ODAD2: variants seen among roughly 807,000 people sequenced by gnomAD.
ODAD2 encodes outer dynein arm-docking complex subunit 2.
A neutral mutation model predicts 106.8 loss-of-function variants in ODAD2; 89 were observed. The ratio of observed to expected loss-of-function variants is 0.83; its 90% confidence interval spans 0.70 to 0.99. The LOEUF (loss-of-function observed/expected upper bound fraction) is 0.99, where lower values mean the gene tolerates loss of function less well. ODAD2 is among the 50% of genes least tolerant of loss of function. The pLI is 0.00. For missense variants in ODAD2, 1,168 were observed against 1,238.5 expected (o/e 0.94, Z 0.85); for synonymous variants, 404 against 436.2 (o/e 0.93, Z 0.92).
At chr10:27,891,913 AC>A (rs1564472888) in intron 17 of ODAD2, among the ~76,000 whole-genome samples, 1 of 151,668 alleles carries the variant, frequency 6.6e-6, no homozygotes, top group African/African-American at 2.4e-5. Context: ...ATTTGAGTAG[AC>A]TTTCTGCAGC....
chr10:27,877,318 G>A (rs1180916942), intron 17 of ODAD2, among the ~76,000 whole-genome samples: 1 of 152,124 alleles, frequency 6.6e-6, no homozygotes, highest in Non-Finnish European at 1.5e-5. Context: ...TGACAAAAGT[G>A]ATCACATCTG....
At position 27,860,845 on chromosome 10, in the gene ODAD2, T is replaced by C. The variant is rs767271748; in HGVS notation, c.2801A>G (p.Asn934Ser). The C allele has an allele frequency of 1.2e-6, 2 of 1,613,552 alleles. No individual in the cohort carries two copies. Among genetic ancestry groups the C allele is most frequent in the East Asian group, 4.5e-5 (2 of 44,896 alleles). Residue 934 changes from asparagine (N) to serine (S), a missense_variant and splice_region_variant, in exon 19 of 20, where the codon AAT becomes AGT. Physicochemically the swap from Asn to Ser is conservative, Grantham distance 46 (BLOSUM62 1). This residue lies in a region of ODAD2 where 701 missense variants were observed against 712.3 expected (regional missense o/e 0.98). Transcript: ENST00000305242. The stretch of plus-strand genomic sequence containing the variant: ...TAGATGATGTCTCAATTTATTGTTA[T>C]TCTGTGCAAGGGAAAATGAAATGGG... ...VPLLSKLANT[N>S]NNKLRHHLAE...
In ODAD2 at chr10:27,944,398, G is replaced by C. The variant is rs770607602; in HGVS notation, c.1567C>G (p.His523Asp). 3.1e-6 allele frequency: 5 copies of C among 1,613,736 alleles called. No individual in the cohort carries two copies. Among genetic ancestry groups the C allele is most frequent in the Non-Finnish European group, 3.4e-6 (4 of 1,179,872 alleles). Reference sequence around the variant, plus strand: ...ATATTCTGTCTGATTTGAGGATTATGACTGATTTCCTTCAGTATTTTTAAT... The same window carrying C: ...ATATTCTGTCTGATTTGAGGATTATCACTGATTTCCTTCAGTATTTTTAAT... The part of the protein sequence containing the change: ...GSLKILKEIS[H>D]NPQIRQNIVD... The change falls in exon 12 of 20, where the codon CAT becomes GAT. Residue 523 changes from histidine (H) to aspartate (D), a missense_variant. His to Asp is a moderately conservative substitution (Grantham distance 81, BLOSUM62 -1). Coordinates refer to ENST00000305242, the MANE Select transcript of ODAD2 (RefSeq NM_018076.5).
chr10:27,825,115 A>C (rs1232780427), intron 19 of ODAD2, among the ~76,000 whole-genome samples: 1 of 152,186 alleles, frequency 6.6e-6, no homozygotes, highest in South Asian at 2.1e-4. Context: ...ATCTTGGTGT[A>C]TCCTTGACTC....
chr10:27,829,314 G>A (rs2132972834), intron 19 of ODAD2, among the ~76,000 whole-genome samples: 1 of 152,252 alleles, frequency 6.6e-6, no homozygotes, highest in African/African-American at 2.4e-5. Flanking sequence ...GAAAATAAAT[G>A]ACTAATTTCT....
intron 10 of ODAD2, among the ~76,000 whole-genome samples, chr10:27,953,574 C>T (rs1025757466): frequency 3.9e-5 from 6 of 152,008 alleles, no homozygotes; most frequent in African/African-American, 1.5e-4. Context: ...TGTTCAATAA[C>T]TTAATGATAT....
intron 6 of ODAD2, among the ~76,000 whole-genome samples, chr10:27,982,672 A>G (rs1459698633): frequency 6.6e-6 from 1 of 152,166 alleles, no homozygotes; most frequent in Non-Finnish European, 1.5e-5. Flanking sequence ...CCAACATGTA[A>G]CAACCCTCCA....
chr10:27,826,148 T>G (rs1317649560), intron 19 of ODAD2, among the ~76,000 whole-genome samples: 1 of 152,170 alleles, frequency 6.6e-6, no homozygotes, highest in African/African-American at 2.4e-5. Context: ...GGACGCAGAA[T>G]GGGATCAAGA....
At chr10:27,866,519 A>G (rs1840448416) in intron 17 of ODAD2, among the ~76,000 whole-genome samples, 1 of 152,198 alleles carries the variant, frequency 6.6e-6, no homozygotes, top group Non-Finnish European at 1.5e-5. Context: ...GTTACTATGA[A>G]GGGATACTTT....
chr10:27,840,853 A>T (rs944420312), intron 19 of ODAD2, among the ~76,000 whole-genome samples: 45 of 152,186 alleles, frequency 3.0e-4, no homozygotes, highest in African/African-American at 1.0e-3. Flanking sequence ...TAATTTATTG[A>T]TTTATAGCAG....
At chr10:27,823,574 G>A (rs149451747) in intron 19 of ODAD2, among the ~76,000 whole-genome samples, 5 of 152,236 alleles carry the variant, frequency 3.3e-5, no homozygotes, top group East Asian at 3.9e-4. Context: ...AATGGGAAAC[G>A]TAATGTAAAG....
At chr10:27,920,086 T>C (rs1564503985) in intron 16 of ODAD2, among the ~76,000 whole-genome samples, 1 of 144,104 alleles carries the variant, frequency 6.9e-6, no homozygotes, top group Non-Finnish European at 1.5e-5. Flanking sequence ...CTAATTACCA[T>C]AAAAGGCAAA....
At chr10:27,961,390 T>A (rs571708340) in intron 10 of ODAD2, among the ~76,000 whole-genome samples, 178 bp downstream of exon 10, 5 of 152,272 alleles carry the variant, frequency 3.3e-5, no homozygotes, top group Admixed American at 3.3e-4. Flanking sequence ...TCCATGAGGA[T>A]GAATCTTGCA....
At chr10:27,908,190 C>T (rs1281849055) in intron 16 of ODAD2, among the ~76,000 whole-genome samples, 1 of 152,126 alleles carries the variant, frequency 6.6e-6, no homozygotes, top group Non-Finnish European at 1.5e-5. Context: ...AATTGACTTA[C>T]CTTACCGTAT....
At chr10:27,935,372 C>T (rs1159678183) in intron 15 of ODAD2, 120 bp from the exon 16 acceptor site, 2 of 1,288,492 alleles carry the variant, frequency 1.6e-6, no homozygotes, top group Middle Eastern at 2.3e-4. Flanking sequence ...ATCCCCATTA[C>T]TGGATGGTTA....
At chr10:27,970,179 T>C (rs972075258) in intron 8 of ODAD2, among the ~76,000 whole-genome samples, 7 of 152,104 alleles carry the variant, frequency 4.6e-5, no homozygotes, top group Non-Finnish European at 1.0e-4. Context: ...CCCCAGCATT[T>C]ACGTAGCATT....
At chr10:27,887,281 G>A (rs919495935) in intron 17 of ODAD2, among the ~76,000 whole-genome samples, 5 of 151,828 alleles carry the variant, frequency 3.3e-5, no homozygotes, top group African/African-American at 1.2e-4. Flanking sequence ...GATATATAAA[G>A]GTCAATTCAA....
chr10:27,866,243 A>G (rs978365116), intron 17 of ODAD2, among the ~76,000 whole-genome samples: 3 of 152,188 alleles, frequency 2.0e-5, no homozygotes, highest in South Asian at 4.1e-4. Context: ...TTTGCATGTC[A>G]TAGATGAAGA....
intron 15 of ODAD2, 87 bp downstream of exon 15, chr10:27,936,637 ATT>A (rs1216862794): frequency 7.2e-7 from 1 of 1,384,260 alleles, no homozygotes; most frequent in East Asian, 2.3e-5. Context: ...TAACATTAGA[ATT>A]GACTCCTTAC....
Sources: gnomAD v4.1 joint callset for allele counts (sites outside exome capture counted in the v4.1 genomes callset) on GRCh38, gnomAD v4.1.1 for gene constraint, gnomAD v4.1.1 regional missense constraint, MANE v1.5 for transcripts, NCBI Gene and HGNC (gene_info 2026-07-23, HGNC 2026-07-21) for gene names.